Variants in CNTNAP5 observed in about 807,000 individuals in gnomAD.
CNTNAP5 encodes contactin associated protein family member 5.
In CNTNAP5, 72 loss-of-function variants were observed where a neutral mutation model predicts 150.2. The ratio of observed to expected loss-of-function variants is 0.48; its 90% CI spans 0.40 to 0.58. The LOEUF (loss-of-function observed/expected upper bound fraction) is 0.58. Ranked by LOEUF, CNTNAP5 falls within the 20% of genes least tolerant of loss-of-function variation. CNTNAP5 has a pLI of 0.00. For synonymous variants in CNTNAP5, 672 were observed against 619.8 expected, an observed-to-expected ratio of 1.08 and a Z score of -1.25; for missense variants, 1,636 against 1,626.2, an observed-to-expected ratio of 1.01 and a Z score of -0.10.
At chr2:124,519,294 A>G (rs1694802510) in intron 8 of CNTNAP5, among the ~76,000 whole-genome samples, 2 of 151,902 alleles carry the variant, frequency 1.3e-5, no homozygotes, top group African/African-American at 4.8e-5. Flanking sequence ...CTCTGAATCT[A>G]TTAAAAACCA....
chr2:124,691,915 C>A (rs1442632267), intron 13 of CNTNAP5, among the ~76,000 whole-genome samples: 2 of 152,158 alleles, frequency 1.3e-5, no homozygotes, highest in Admixed American at 6.6e-5. Flanking sequence ...TGAGCCTAGG[C>A]TGCCTTGCCA....
At chr2:124,416,991 G>A (rs1195884959) in intron 3 of CNTNAP5, among the ~76,000 whole-genome samples, 1 of 143,740 alleles carries the variant, frequency 7.0e-6, no homozygotes, top group Non-Finnish European at 1.5e-5. Flanking sequence ...AGGCTGGAGT[G>A]CAGTGGTATG....
intron 13 of CNTNAP5, among the ~76,000 whole-genome samples, chr2:124,651,919 C>A (rs1265856441): frequency 6.6e-6 from 1 of 152,168 alleles, no homozygotes; most frequent in Non-Finnish European, 1.5e-5. Flanking sequence ...TCCCCAGAGC[C>A]TCCTTCTGCC....
At chr2:124,468,779 T>C (rs935973539) in intron 6 of CNTNAP5, among the ~76,000 whole-genome samples, 1 of 152,314 alleles carries the variant, frequency 6.6e-6, no homozygotes, top group Admixed American at 6.5e-5. Flanking sequence ...AGCCCATTTG[T>C]ACCCTCAACC....
At position 124,199,413 on chromosome 2, in the gene CNTNAP5, CTT is replaced by C. The variant is rs70996049; in HGVS notation, c.83-22274_83-22273del. Among the ~76,000 whole-genome samples, 23 of 110,044 alleles carry C rather than the reference CTT, an allele frequency of 2.1e-4. No individual in the cohort carries two copies. In the Admixed American group the frequency reaches 2.2e-3, roughly 11 times the overall value. The allele number at this position is 110,044 out of a possible 152,430, so 72.2% of individuals were successfully genotyped here. A position where few individuals can be genotyped will look rare whatever the true frequency, so the allele number is the denominator to read the frequency against. ...ATTTTGTTACATTTATTCCAAGGTTCTTTTTTTTTTTTTTTTTTTGAGACGGA... is the reference window on the plus strand; with the variant it reads ...ATTTTGTTACATTTATTCCAAGGTTCTTTTTTTTTTTTTTTTTGAGACGGA... On this transcript the variant is annotated intron_variant, in intron 1 of 23. Coordinates refer to ENST00000682447, the MANE Select transcript of CNTNAP5 (RefSeq NM_001367498.1).
chr2:124,264,778 A>G (rs1266363478), intron 3 of CNTNAP5, among the ~76,000 whole-genome samples: 2 of 152,208 alleles, frequency 1.3e-5, no homozygotes, highest in South Asian at 4.1e-4. Context: ...AGCCGACAGC[A>G]GCTCTGGTCA....
At chr2:124,156,217 G>A (rs545545697) in intron 1 of CNTNAP5, among the ~76,000 whole-genome samples, 65 of 152,368 alleles carry the variant, frequency 4.3e-4, no homozygotes, top group African/African-American at 1.5e-3. Flanking sequence ...CAAGACCAGT[G>A]TGGAGCAGCA....
chr2:124,914,556 C>A lies in CNTNAP5; in HGVS notation c.*268C>A. ...TTCGCCATTCAAGACAAGGAAGAGA[C>A]ACATGTGTGCACTCCTGCATGTTCA... On this transcript the variant is annotated 3_prime_UTR_variant, in exon 24 of 24. Coordinates refer to ENST00000682447, the MANE Select transcript of CNTNAP5 (RefSeq NM_001367498.1). 2.5e-6 allele frequency: 1 copy of A among 406,462 alleles called. No individual in the cohort carries two copies. The highest frequency in any genetic ancestry group is 2.9e-5 in the South Asian group (1 of 34,102). 25.2% of individuals were successfully genotyped at this position (406,462 alleles called of 1,614,324 possible).
At position 124,163,503 on chromosome 2, in the gene CNTNAP5, C is replaced by T. The variant is rs114764924; in HGVS notation, c.83-58202C>T. Among the ~76,000 whole-genome samples, 452 of 152,174 alleles carry T rather than the reference C, an allele frequency of 3.0e-3. 3 individuals are homozygous for T. In the Middle Eastern group the frequency reaches 0.038, roughly 13 times the overall value. ...TGTGAATCTGATCTACATGAAGATG[C>T]TTCAGGACAGAAATGCTAGCTCTCA... is the stretch of plus-strand genomic sequence containing the variant. On this transcript the variant is annotated intron_variant, in intron 1 of 23. Coordinates refer to ENST00000682447, the MANE Select transcript of CNTNAP5 (RefSeq NM_001367498.1).
At chr2:124,723,934 A>G (rs1410141027) in intron 13 of CNTNAP5, among the ~76,000 whole-genome samples, 1 of 145,886 alleles carries the variant, frequency 6.9e-6, no homozygotes, top group East Asian at 1.9e-4. Flanking sequence ...TCACAAGGGC[A>G]GGAGATTGAG....
intron 1 of CNTNAP5, among the ~76,000 whole-genome samples, chr2:124,175,545 G>A (rs1169394015): frequency 6.6e-6 from 1 of 152,018 alleles, no homozygotes; most frequent in Non-Finnish European, 1.5e-5. Context: ...TCCATCACCC[G>A]GGTAGTGAGC....
chr2:124,231,978 C>A (rs914654632), intron 2 of CNTNAP5, among the ~76,000 whole-genome samples: 2 of 152,004 alleles, frequency 1.3e-5, no homozygotes, highest in Middle Eastern at 6.8e-3. Context: ...AAGAAAGAAG[C>A]GAATTTCATG....
chr2:124,052,283 A>G, intron 1 of CNTNAP5, among the ~76,000 whole-genome samples: 1 of 152,198 alleles, frequency 6.6e-6, no homozygotes, highest in African/African-American at 2.4e-5. Flanking sequence ...ACTTCAAGCT[A>G]GTATTGACTG....
chr2:124,548,552 A>C (rs978034486), intron 10 of CNTNAP5, among the ~76,000 whole-genome samples: 2 of 152,210 alleles, frequency 1.3e-5, no homozygotes, highest in Non-Finnish European at 2.9e-5. Flanking sequence ...TGGAAATCCC[A>C]GATCTGCATA....
intron 10 of CNTNAP5, among the ~76,000 whole-genome samples, chr2:124,542,465 G>T (rs927478841): frequency 4.6e-5 from 7 of 151,876 alleles, no homozygotes; most frequent in Non-Finnish European, 7.4e-5. Flanking sequence ...GAAAATGGGA[G>T]TGTGATGGGA....
intron 1 of CNTNAP5, among the ~76,000 whole-genome samples, chr2:124,111,752 T>C (rs1327377850): frequency 6.6e-6 from 1 of 152,236 alleles, no homozygotes. Flanking sequence ...TTCCGGTCCT[T>C]CTTCACGTTA....
At chr2:124,563,070 A>T in intron 10 of CNTNAP5, 147 bp from the exon 11 acceptor site, 2 of 598,908 alleles carry the variant, frequency 3.3e-6, no homozygotes, top group Non-Finnish European at 6.0e-6. Context: ...TACTATTTTG[A>T]TGTCATTCAA....
At chr2:124,380,786 G>C (rs1289867709) in intron 3 of CNTNAP5, among the ~76,000 whole-genome samples, 1 of 152,128 alleles carries the variant, frequency 6.6e-6, no homozygotes, top group Non-Finnish European at 1.5e-5. Context: ...TTAGACTCTG[G>C]GGATAGAGCA....
At chr2:124,490,675 G>A (rs1308208601) in intron 7 of CNTNAP5, among the ~76,000 whole-genome samples, 1 of 151,970 alleles carries the variant, frequency 6.6e-6, no homozygotes, top group East Asian at 1.9e-4. Context: ...AACATTTGAA[G>A]TAAGTATGTC....
Sources: gnomAD v4.1 joint callset for allele counts (sites outside exome capture counted in the v4.1 genomes callset) on GRCh38, gnomAD v4.1.1 for gene constraint, MANE v1.5 for transcripts, NCBI Gene and HGNC (gene_info 2026-07-23, HGNC 2026-07-21) for gene names.